Variants in GLB1 observed in about 807,000 individuals in gnomAD.
GLB1 encodes galactosidase beta 1.
In GLB1, 56 loss-of-function variants were observed where a neutral mutation model predicts 74.0. That is an observed-to-expected ratio of 0.76 (90% CI 0.61 to 0.94). The LOEUF is 0.94. GLB1 is among the 40% of genes least tolerant of loss of function. The pLI is 0.00. For synonymous variants in GLB1, 323 were observed against 323.6 expected (o/e 1.00, Z 0.02); for missense variants, 787 against 845.5 (o/e 0.93, Z 0.86).
At chr3:33,045,988 T>C in intron 10 of GLB1, 132 bp downstream of exon 10, 1 of 1,227,190 alleles carries the variant, frequency 8.1e-7, no homozygotes, top group Non-Finnish European at 1.2e-6. Context: ...AACCCAAGTC[T>C]AGCTGATGCC....
intron 15 of GLB1, among the ~76,000 whole-genome samples, chr3:33,002,063 C>T (rs1696596519): frequency 6.6e-6 from 1 of 151,148 alleles, no homozygotes; most frequent in Non-Finnish European, 1.5e-5. Flanking sequence ...GAAGTCAGCC[C>T]CATGGGGACC....
chr3:33,091,373 CAT>C (rs1253393345), intron 1 of GLB1: 17 of 985,366 alleles, frequency 1.7e-5, no homozygotes, highest in Admixed American at 6.2e-5. Context: ...CCAGAATGCA[CAT>C]GAGGGAAGGA....
At chr3:33,074,953 C>G (rs143877247) in intron 1 of GLB1, among the ~76,000 whole-genome samples, 7 of 152,324 alleles carry the variant, frequency 4.6e-5, no homozygotes, top group African/African-American at 1.7e-4. Flanking sequence ...GAGAGCTTCA[C>G]TGTAAGTGAA....
chr3:32,971,522 G>A, the GLB1 span, among the ~76,000 whole-genome samples: 149 of 152,352 alleles, frequency 9.8e-4, 1 homozygote, highest in African/African-American at 3.5e-3. Context: ...CAGTGGCTGT[G>A]GGAGGCAAAG....
chr3:33,055,039 A>G (rs1699155900), intron 6 of GLB1, among the ~76,000 whole-genome samples: 1 of 152,242 alleles, frequency 6.6e-6, no homozygotes, highest in African/African-American at 2.4e-5. Flanking sequence ...ATGCTGATTG[A>G]GAAAGAGCAG....
intron 4 of GLB1, 141 bp downstream of exon 4, chr3:33,068,089 T>G (rs1575471055): frequency 8.2e-7 from 1 of 1,220,600 alleles, no homozygotes; most frequent in Non-Finnish European, 1.2e-6. Flanking sequence ...GTTTTGCCAT[T>G]TTGGCCAGCC....
chr3:33,014,370 C>T (rs1172277986), intron 14 of GLB1, 60 bp from the exon 15 acceptor site: 6 of 1,593,410 alleles, frequency 3.8e-6, no homozygotes, highest in South Asian at 1.1e-5. Context: ...CTTCACATGT[C>T]TCTGCATTCC....
In GLB1 at chr3:33,072,685, T is replaced by C. The variant is rs770146491; in HGVS notation, c.104A>G (p.Asp35Gly). 7 of 1,614,162 alleles carry C rather than the reference T, an allele frequency of 4.3e-6. No homozygotes were observed. In the East Asian group the frequency reaches 1.6e-4, roughly 36 times the overall value. The change falls in exon 2 of 16, where the codon GAC becomes GGC. Residue 35 changes from aspartate (D) to glycine (G), a missense_variant. Physicochemically the swap from Asp to Gly is moderately conservative, Grantham distance 94 (BLOSUM62 -1). Transcript: ENST00000307363. ...RNATQRMFEI[D>G]YSRDSFLKDG... ...CTTGAGGAAGGAGTCCCGGCTATAG[T>C]CAATTTCAAACATCCTCTGGGTGGC...
At chr3:33,033,508 C>T (rs907279356) in intron 10 of GLB1, among the ~76,000 whole-genome samples, 10 of 152,086 alleles carry the variant, frequency 6.6e-5, no homozygotes, top group African/African-American at 2.2e-4. Flanking sequence ...AGAGGCTAGG[C>T]GGGGTGGCTC....
intron 10 of GLB1, among the ~76,000 whole-genome samples, chr3:33,042,665 C>G (rs1243919391): frequency 6.6e-6 from 1 of 152,216 alleles, no homozygotes; most frequent in Non-Finnish European, 1.5e-5. Flanking sequence ...CCGCGCACAG[C>G]CTCTCCTACT....
chr3:32,997,132 G>A lies in GLB1; in HGVS notation c.1947C>T (p.Thr649=), dbSNP rs1289878163. 3 of 1,614,036 alleles carry A rather than the reference G, an allele frequency of 1.9e-6. No homozygotes were observed. The African/African-American group carries it at 4.0e-5, about 22-fold the overall frequency. ...CAACAGGTTTGGAGGGATGATCGTA[G>A]GTCACAGATGAGCCAATAACTGGCC... ...VDRPVIGSSV[T]YDHPSKPVEK... is the part of the protein sequence containing the mutation. Residue 649 remains threonine (T), a synonymous_variant, in exon 16 of 16, where the codon ACC becomes ACT. Coordinates refer to ENST00000307363, the MANE Select transcript of GLB1 (RefSeq NM_000404.4).
downstream of GLB1, among the ~76,000 whole-genome samples, chr3:32,992,729 T>G (rs1696246045): frequency 6.6e-6 from 1 of 152,196 alleles, no homozygotes; most frequent in Non-Finnish European, 1.5e-5. Flanking sequence ...ATGAAGCTGG[T>G]GGGAGGCCTG....
In GLB1 at chr3:33,057,476, C is replaced by T. The variant is rs530022076; in HGVS notation, c.733+613G>A. ...GGCCAGAAGCATCCTAACCACATTGCCCACCCATCTGTAACCTTCACTTGC... is the reference window on the plus strand; with the variant it reads ...GGCCAGAAGCATCCTAACCACATTGTCCACCCATCTGTAACCTTCACTTGC... On this transcript the variant is annotated intron_variant, in intron 6 of 15. Transcript: ENST00000307363. Among the ~76,000 whole-genome samples, 46 of 152,342 alleles carry T rather than the reference C, an allele frequency of 3.0e-4. 1 individual carries two copies. Among genetic ancestry groups the T allele is most frequent in the Middle Eastern group, 6.8e-3 (2 of 294 alleles).
chr3:33,064,670 G>A (rs923036400), intron 5 of GLB1, among the ~76,000 whole-genome samples: 3 of 150,240 alleles, frequency 2.0e-5, no homozygotes, highest in Non-Finnish European at 4.4e-5. Context: ...CCAGCTACAT[G>A]GGAGGCTGAG....
At chr3:33,067,309 C>CT (rs1272246021) in intron 4 of GLB1, among the ~76,000 whole-genome samples, 1 of 151,374 alleles carries the variant, frequency 6.6e-6, no homozygotes, top group Non-Finnish European at 1.5e-5. Flanking sequence ...GACCTTATTT[C>CT]TTTTTTTGAG....
chr3:33,011,770 TCTC>T (rs1203583955), intron 15 of GLB1, among the ~76,000 whole-genome samples: 1 of 152,186 alleles, frequency 6.6e-6, no homozygotes, highest in Non-Finnish European at 1.5e-5. Context: ...TCTTTTGCCT[TCTC>T]CTCCTCCAGC....
At chr3:33,092,127 A>G in intron 1 of GLB1, 2 of 985,532 alleles carry the variant, frequency 2.0e-6, no homozygotes, top group Non-Finnish European at 1.2e-6. Context: ...CCATGTTCTC[A>G]CCATCACCGA....
chr3:33,038,009 G>A (rs1698346061), intron 10 of GLB1: 1 of 106,716 alleles, frequency 9.4e-6, no homozygotes, highest in African/African-American at 3.3e-5. Flanking sequence ...CACAATACTG[G>A]GCGACTCTTC....
chr3:33,029,273 T>G (rs1253963595), intron 10 of GLB1, among the ~76,000 whole-genome samples: 1 of 152,232 alleles, frequency 6.6e-6, no homozygotes, highest in Non-Finnish European at 1.5e-5. Flanking sequence ...GAAATGTTGC[T>G]TCTCATACTT....
Sources: gnomAD v4.1 joint callset for allele counts (sites outside exome capture counted in the v4.1 genomes callset) on GRCh38, gnomAD v4.1.1 for gene constraint, MANE v1.5 for transcripts, NCBI Gene and HGNC (gene_info 2026-07-23, HGNC 2026-07-21) for gene names.